Variants in ZNF713 observed in about 807,000 individuals in gnomAD.
ZNF713 encodes zinc finger protein 713.
A neutral mutation model predicts 28.7 loss-of-function variants in ZNF713; 21 were observed. The observed-to-expected ratio is 0.73, with a 90% confidence interval of 0.52 to 1.05. The LOEUF is 1.05. Ranked by LOEUF, ZNF713 falls within the 50% of genes least tolerant of loss-of-function variation. ZNF713 has a pLI of 0.00. For synonymous variants in ZNF713, 167 were observed against 178.0 expected, an observed-to-expected ratio of 0.94 and a Z score of 0.49; for missense variants, 458 against 532.4, an observed-to-expected ratio of 0.86 and a Z score of 1.37.
At chr7:55,921,982 G>A (rs1786000038) in intron 4 of ZNF713, among the ~76,000 whole-genome samples, 1 of 152,156 alleles carries the variant, frequency 6.6e-6, no homozygotes, top group Non-Finnish European at 1.5e-5. Flanking sequence ...CTGAAGTGCA[G>A]TGGTGCAGTC....
chr7:55,925,871 G>A (rs760657943), intron 6 of ZNF713, among the ~76,000 whole-genome samples: 10 of 152,102 alleles, frequency 6.6e-5, no homozygotes, highest in Non-Finnish European at 1.3e-4. Flanking sequence ...CCCTTTTCAG[G>A]TAAATTTCCA....
chr7:55,920,318 T>C (rs769347501), intron 4 of ZNF713, among the ~76,000 whole-genome samples: 1 of 152,234 alleles, frequency 6.6e-6, no homozygotes, highest in African/African-American at 2.4e-5. Context: ...AACAGCCAAG[T>C]CATGTGTACA....
chr7:55,894,051 CAT>C (rs1194931640), intron 1 of ZNF713, among the ~76,000 whole-genome samples: 1 of 152,220 alleles, frequency 6.6e-6, no homozygotes, highest in East Asian at 1.9e-4. Context: ...CAACACCAGT[CAT>C]GTGGGCTTGG....
intron 4 of ZNF713, among the ~76,000 whole-genome samples, 173 bp from the exon 5 acceptor site, chr7:55,922,989 A>G (rs1337688199): frequency 6.6e-6 from 1 of 152,200 alleles, no homozygotes; most frequent in Non-Finnish European, 1.5e-5. Context: ...GTCTTGAAAG[A>G]TGATAGAAAG....
At chr7:55,896,585 ATGTG>A (rs532438365) in intron 1 of ZNF713, among the ~76,000 whole-genome samples, 6 of 129,160 alleles carry the variant, frequency 4.6e-5, no homozygotes, top group African/African-American at 1.4e-4. Flanking sequence ...TTTAATATAT[ATGTG>A]TGTGTGTGTG....
chr7:55,915,524 G>T (rs1324427843), intron 4 of ZNF713, among the ~76,000 whole-genome samples: 1 of 152,184 alleles, frequency 6.6e-6, no homozygotes, highest in Non-Finnish European at 1.5e-5. Flanking sequence ...TGAAAACAGG[G>T]TGCTATGAAT....
At chr7:55,932,003 G>C (rs930320775) in intron 6 of ZNF713, among the ~76,000 whole-genome samples, 2 of 152,186 alleles carry the variant, frequency 1.3e-5, no homozygotes, top group Non-Finnish European at 2.9e-5. Context: ...TGGAGTCAAA[G>C]TCCACGTGCA....
At chr7:55,888,622 C>T (rs1785321823) in intron 1 of ZNF713, among the ~76,000 whole-genome samples, 1 of 152,070 alleles carries the variant, frequency 6.6e-6, no homozygotes, top group South Asian at 2.1e-4. Context: ...GCAAGTGATC[C>T]TCCCGCCTTG....
chr7:55,933,166 G>A (rs1459376404), intron 6 of ZNF713, among the ~76,000 whole-genome samples: 3 of 150,730 alleles, frequency 2.0e-5, no homozygotes, highest in African/African-American at 7.4e-5. Context: ...AAACCCAGGA[G>A]GCAGAGGTTG....
chr7:55,939,749 G>A lies in ZNF713; in HGVS notation c.1075G>A (p.Glu359Lys). The A allele has an allele frequency of 1.9e-6, 3 of 1,614,178 alleles. No homozygotes were observed. The highest frequency in any genetic ancestry group is 1.7e-6 in the Non-Finnish European group (2 of 1,180,034). Residue 359 changes from glutamate to lysine, a missense_variant, in exon 7 of 7, where the codon GAA becomes AAA. By Grantham distance (56) the Glu-to-Lys change is moderately conservative (BLOSUM62 1). Coordinates refer to ENST00000429591, the MANE Select transcript of ZNF713 (RefSeq NM_182633.3). ...KAFSRITSLT[E>K]HHRLHTGEKP... Reference sequence around the variant, plus strand: ...TTTTAGCCGCATCACATCCCTTACTGAACATCATAGACTTCATACCGGAGA... The same window carrying A: ...TTTTAGCCGCATCACATCCCTTACTAAACATCATAGACTTCATACCGGAGA...
At chr7:55,935,573 G>C (rs1168224124) in intron 6 of ZNF713, among the ~76,000 whole-genome samples, 2 of 152,104 alleles carry the variant, frequency 1.3e-5, no homozygotes, top group African/African-American at 4.8e-5. Context: ...TATCAAAGTA[G>C]GTGTAGGAAC....
intron 5 of ZNF713, 70 bp from the exon 6 acceptor site, chr7:55,923,537 G>T (rs1786035014): frequency 7.3e-7 from 1 of 1,370,266 alleles, no homozygotes; most frequent in Non-Finnish European, 1.0e-6. Context: ...AGATTGAAAA[G>T]GTTGGGAGTG....
intron 4 of ZNF713, among the ~76,000 whole-genome samples, chr7:55,919,173 A>T (rs1233782902): frequency 6.6e-6 from 1 of 152,226 alleles, no homozygotes; most frequent in Non-Finnish European, 1.5e-5. Flanking sequence ...TGAACAATGA[A>T]TTCCTGAGTT....
intron 2 of ZNF713, among the ~76,000 whole-genome samples, chr7:55,907,781 G>A (rs1454388557): frequency 6.6e-6 from 1 of 152,088 alleles, no homozygotes; most frequent in Non-Finnish European, 1.5e-5. Context: ...TGCTGCAAAA[G>A]GCATGATTTC....
rs1785270089 is a variant in ZNF713, at chr7:55,887,616, G to GCGGCGGCGGCGT, written c.-636_-635insTCGGCGGCGGCG. On this transcript the variant is annotated 5_prime_UTR_variant, in exon 1 of 7. Coordinates refer to ENST00000429591, the MANE Select transcript of ZNF713 (RefSeq NM_182633.3). The stretch of plus-strand genomic sequence containing the variant: ...CGGGTCCACCGCGGCGGCGGCGGCG[G>GCGGCGGCGGCGT]CGGCGGCGGCGGCGGCGGCGGCGTC... 1 of 174,256 alleles carries GCGGCGGCGGCGT rather than the reference G, an allele frequency of 5.7e-6. No individual in the cohort carries two copies. The highest frequency in any genetic ancestry group is 1.1e-5 in the Non-Finnish European group (1 of 90,014). The allele number at this position is 174,256 out of a possible 1,614,324, so 10.8% of individuals were successfully genotyped here. A position where few individuals can be genotyped will look rare whatever the true frequency, so the allele number is the denominator to read the frequency against.
At position 55,940,513 on chromosome 7, in the gene ZNF713, T is replaced by A. The variant is rs1786445624; in HGVS notation, c.*507T>A. The A allele has an allele frequency of 5.1e-6, 5 of 981,302 alleles. No individual in the cohort carries two copies. Among genetic ancestry groups the A allele is most frequent in the Non-Finnish European group, 4.8e-6 (4 of 826,440 alleles). 60.8% of individuals were successfully genotyped at this position (981,302 alleles called of 1,614,324 possible). A position where few individuals can be genotyped will look rare whatever the true frequency, so the allele number is the denominator to read the frequency against. On this transcript the variant is annotated 3_prime_UTR_variant, in exon 7 of 7. Transcript: ENST00000429591. ...CAGGAGGGGTTATAAAAAGAAAAAATAATTTATTTTACAAATGAGATTATA... is the reference window on the plus strand; with the variant it reads ...CAGGAGGGGTTATAAAAAGAAAAAAAAATTTATTTTACAAATGAGATTATA...
chr7:55,932,982 A>C (rs1444812974), intron 6 of ZNF713, among the ~76,000 whole-genome samples: 2 of 151,716 alleles, frequency 1.3e-5, no homozygotes, highest in Admixed American at 1.3e-4. Context: ...TCACACCTAC[A>C]ATCCCAGCAC....
intron 6 of ZNF713, among the ~76,000 whole-genome samples, chr7:55,935,858 G>A (rs1286465416): frequency 2.0e-5 from 3 of 152,038 alleles, no homozygotes; most frequent in African/African-American, 7.2e-5. Context: ...AGGAGGCTGA[G>A]GCAGGAGAAT....
At chr7:55,935,211 T>C (rs912641949) in intron 6 of ZNF713, among the ~76,000 whole-genome samples, 3 of 152,088 alleles carry the variant, frequency 2.0e-5, no homozygotes, top group African/African-American at 7.2e-5. Flanking sequence ...TTGTCTGTCA[T>C]ATTGAAATAC....
Sources: gnomAD v4.1 joint callset for allele counts (sites outside exome capture counted in the v4.1 genomes callset) on GRCh38, gnomAD v4.1.1 for gene constraint, MANE v1.5 for transcripts, NCBI Gene and HGNC (gene_info 2026-07-23, HGNC 2026-07-21) for gene names.